ADCY2: variants seen among roughly 807,000 people sequenced by gnomAD.
ADCY2 encodes the protein adenylate cyclase type 2.
In ADCY2, 31 loss-of-function variants were observed where a neutral mutation model predicts 125.2. The observed-to-expected ratio is 0.25, with a 90% CI of 0.19 to 0.33. The LOEUF is 0.33. Ranked by LOEUF, ADCY2 falls within the 10% of genes least tolerant of loss-of-function variation. The pLI is 1.00. For missense variants in ADCY2, 904 were observed against 1,418.2 expected (o/e 0.64, Z 5.82); for synonymous variants, 512 against 548.4 (o/e 0.93, Z 0.93).
At chr5:7,684,929 T>C (rs1203902617) in intron 4 of ADCY2, among the ~76,000 whole-genome samples, 1 of 152,216 alleles carries the variant, frequency 6.6e-6, no homozygotes, top group Non-Finnish European at 1.5e-5. Context: ...GTGACTTTAA[T>C]ATGCACAAAA....
intron 4 of ADCY2, among the ~76,000 whole-genome samples, chr5:7,655,386 G>T (rs1437810009): frequency 6.6e-6 from 1 of 152,190 alleles, no homozygotes; most frequent in Admixed American, 6.5e-5. Context: ...CCTTCTGCAA[G>T]CTGGAGGCCC....
chr5:7,596,535 A>G (rs749700831), intron 3 of ADCY2, among the ~76,000 whole-genome samples: 1 of 152,196 alleles, frequency 6.6e-6, no homozygotes, highest in Non-Finnish European at 1.5e-5. Flanking sequence ...ATCTGAGGCA[A>G]GTGAGTGGGT....
intron 7 of ADCY2, among the ~76,000 whole-genome samples, chr5:7,701,099 A>AT (rs201712615): frequency 0.016 from 2,375 of 150,516 alleles, 53 homozygotes; most frequent in African/African-American, 0.047. Flanking sequence ...AAAAAAATAT[A>AT]TTTTTTTTTT....
intron 2 of ADCY2, among the ~76,000 whole-genome samples, chr5:7,434,286 A>T (rs1231282664): frequency 6.6e-6 from 1 of 152,250 alleles, no homozygotes; most frequent in Non-Finnish European, 1.5e-5. Flanking sequence ...TCAGTTGGGA[A>T]CTAGATAAAT....
chr5:7,818,512 A>G (rs191057430), intron 23 of ADCY2, among the ~76,000 whole-genome samples: 232 of 152,166 alleles, frequency 1.5e-3, no homozygotes, highest in Middle Eastern at 0.01. Flanking sequence ...ATGTGCCACC[A>G]CACCTGGCTA....
Position 7,766,773 on chromosome 5 carries a change from G to A in ADCY2, c.2181G>A (p.Ala727=), listed in dbSNP as rs754571693. ...TSFSASNNQV[A]ILRAQNLFFL... ...TTTCAGCCTCAAATAATCAGGTGGC[G>A]ATTCTGCGTGCGCAGAATTTATTTT... The change falls in exon 17 of 25, where the codon GCG becomes GCA. Residue 727 remains alanine, a synonymous_variant. Transcript: ENST00000338316. 13 of 1,611,096 alleles carry A rather than the reference G, an allele frequency of 8.1e-6. No individual in the cohort carries two copies. Among genetic ancestry groups the A allele is most frequent in the East Asian group, 4.5e-5 (2 of 44,866 alleles).
chr5:7,524,698 G>T (rs1383874110), intron 3 of ADCY2, among the ~76,000 whole-genome samples: 1 of 152,134 alleles, frequency 6.6e-6, no homozygotes, highest in Non-Finnish European at 1.5e-5. Flanking sequence ...TTCCGGTTCT[G>T]CATCTTTGGC....
intron 2 of ADCY2, among the ~76,000 whole-genome samples, chr5:7,510,852 C>T (rs72709180): frequency 0.16 from 24,546 of 152,106 alleles, 2,128 homozygotes; most frequent in African/African-American, 0.2. Flanking sequence ...GTGAAGAACA[C>T]GATATGAAGA....
intron 2 of ADCY2, among the ~76,000 whole-genome samples, chr5:7,419,042 C>T (rs191001780): frequency 9.1e-4 from 139 of 152,268 alleles, no homozygotes; most frequent in Non-Finnish European, 1.3e-3. Context: ...CTCAAGAAAG[C>T]ACTGTGCTTA....
intron 1 of ADCY2, among the ~76,000 whole-genome samples, chr5:7,406,197 T>A (rs1054204287): frequency 3.9e-5 from 6 of 152,086 alleles, no homozygotes; most frequent in African/African-American, 7.2e-5. Flanking sequence ...CATACTCCCT[T>A]TTCAGGAGAG....
intron 17 of ADCY2, among the ~76,000 whole-genome samples, chr5:7,767,957 G>A (rs1325543269): frequency 3.3e-5 from 5 of 152,112 alleles, no homozygotes; most frequent in African/African-American, 9.7e-5. Flanking sequence ...CATGAACCTG[G>A]GAGGCAGAGC....
At chr5:7,731,963 G>A (rs998667322) in intron 14 of ADCY2, among the ~76,000 whole-genome samples, 1 of 152,146 alleles carries the variant, frequency 6.6e-6, no homozygotes, top group African/African-American at 2.4e-5. Flanking sequence ...CTGCCATTTA[G>A]TCTATCTGTT....
intron 4 of ADCY2, among the ~76,000 whole-genome samples, chr5:7,673,660 G>A (rs144145018): frequency 7.2e-5 from 11 of 152,230 alleles, no homozygotes; most frequent in African/African-American, 1.4e-4. Context: ...ACCTCCACTC[G>A]TGTGGGGAAT....
intron 16 of ADCY2, among the ~76,000 whole-genome samples, chr5:7,761,829 G>A (rs1743227925): frequency 6.6e-6 from 1 of 152,172 alleles, no homozygotes; most frequent in Non-Finnish European, 1.5e-5. Context: ...TGATCATTTA[G>A]GAGGAGACAT....
At chr5:7,468,271 G>GA (rs1742201167) in intron 2 of ADCY2, among the ~76,000 whole-genome samples, 1 of 152,162 alleles carries the variant, frequency 6.6e-6, no homozygotes, top group South Asian at 2.1e-4. Flanking sequence ...GACAGGGCAT[G>GA]AGAGACTTAC....
intron 2 of ADCY2, among the ~76,000 whole-genome samples, chr5:7,450,993 A>G (rs1038306816): frequency 6.6e-6 from 1 of 151,890 alleles, no homozygotes. Flanking sequence ...GCCTTTCAAA[A>G]TATTACTTCT....
At chr5:7,610,091 T>C (rs902471112) in intron 3 of ADCY2, among the ~76,000 whole-genome samples, 24 of 152,108 alleles carry the variant, frequency 1.6e-4, no homozygotes, top group African/African-American at 5.8e-4. Context: ...AAGAAACATA[T>C]TAAATTGGAG....
chr5:7,641,687 C>T (rs1008024722), intron 4 of ADCY2, among the ~76,000 whole-genome samples: 4 of 152,096 alleles, frequency 2.6e-5, no homozygotes, highest in Non-Finnish European at 5.9e-5. Flanking sequence ...CTCCCTCCTC[C>T]CTCTAGTAGT....
At position 7,431,530 on chromosome 5, in the gene ADCY2, A is replaced by G. The variant is rs1386656654; in HGVS notation, c.408+16760A>G. ...AACACACAAAAAGGTGGGAACTATT[A>G]AAAAAAAAAACCCTGATAGATAAAA... On this transcript the variant is annotated intron_variant, in intron 2 of 24. Coordinates refer to ENST00000338316, the MANE Select transcript of ADCY2 (RefSeq NM_020546.3). Among the ~76,000 whole-genome samples the G allele has an allele frequency of 4.5e-4, 3 of 6,616 alleles. No individual in the cohort carries two copies. In the African/African-American group the frequency reaches 5.1e-3, roughly 11 times the overall value. The allele number at this position is 6,616 out of a possible 152,430, so 4.3% of individuals were successfully genotyped here.
Sources: gnomAD v4.1 joint callset for allele counts (sites outside exome capture counted in the v4.1 genomes callset) on GRCh38, gnomAD v4.1.1 for gene constraint, MANE v1.5 for transcripts, NCBI Gene and HGNC (gene_info 2026-07-23, HGNC 2026-07-21) for gene names.